Variants in RHO observed in about 807,000 individuals in gnomAD.
RHO encodes opsin 2, rod pigment.
RHO carries 21 observed loss-of-function variants against 31.2 expected under a neutral mutation model. The observed-to-expected ratio is 0.67, with a 90% CI of 0.48 to 0.97. The LOEUF is 0.97. Ranked by LOEUF, RHO falls within the 50% of genes least tolerant of loss-of-function variation. RHO has a pLI of 0.00. For synonymous variants in RHO, 211 were observed against 196.6 expected, an observed-to-expected ratio of 1.07 and a Z score of -0.61; for missense variants, 414 against 479.5, an observed-to-expected ratio of 0.86 and a Z score of 1.28.
In RHO at chr3:129,532,266, C is replaced by T. The variant is rs2084785600; in HGVS notation, c.546C>T (p.Gly182=). ...CTGTCCTCAGGTACATCCCCGAGGG[C>T]CTGCAGTGCTCGTGTGGAATCGACT... ...LAGWSRYIPE[G]LQCSCGIDYY... The change falls in exon 3 of 5, where the codon GGC becomes GGT. Residue 182 remains glycine (G), a synonymous_variant. Transcript: ENST00000296271. The surrounding 1 kb of genome is among the most constrained non-coding windows in gnomAD (Gnocchi z 5.5). The T allele has an allele frequency of 6.8e-6, 11 of 1,614,104 alleles. No homozygotes were observed. Among genetic ancestry groups the T allele is most frequent in the Non-Finnish European group, 9.3e-6 (11 of 1,180,000 alleles).
Position 129,532,820 on chromosome 3 carries a change from T to C in RHO, c.936+48T>C. ...CCCCAGTGCCCCAGGCCACAGGCGC[T>C]GCCTGCCAAGGACAAGCTACTTCCC... On this transcript the variant is annotated intron_variant, in intron 4 of 4. Coordinates refer to ENST00000296271, the MANE Select transcript of RHO (RefSeq NM_000539.3). This position sits in a 1 kb window ranked among gnomAD's most constrained non-coding sequence, Gnocchi z 5.5. The C allele has an allele frequency of 6.2e-7, 1 of 1,611,058 alleles. No individual in the cohort carries two copies. Among genetic ancestry groups the C allele is most frequent in the African/African-American group, 1.3e-5 (1 of 75,058 alleles).
chr3:129,533,183 C>T lies in RHO; in HGVS notation c.936+411C>T, dbSNP rs1341450163. ...GGTAAAGGGTTCCTCGGAGAGGTAC[C>T]TCCGAGGGGTAAACAGTTGGGTAAA... On this transcript the variant is annotated intron_variant, in intron 4 of 4. Coordinates refer to ENST00000296271, the MANE Select transcript of RHO (RefSeq NM_000539.3). 7.2e-5 allele frequency among the ~76,000 whole-genome samples: 11 copies of T among 152,148 alleles called. No individual in the cohort carries two copies. The East Asian group carries it at 2.1e-3, about 29-fold the overall frequency.
chr3:129,533,697 G>T lies in RHO; in HGVS notation c.1026G>T (p.Thr342=). 1 of 1,613,868 alleles carries T rather than the reference G, an allele frequency of 6.2e-7. No individual in the cohort carries two copies. The highest frequency in any genetic ancestry group is 1.1e-5 in the South Asian group (1 of 91,080). Residue 342 remains threonine, a synonymous_variant, in exon 5 of 5, where the codon ACG becomes ACT. Coordinates refer to ENST00000296271, the MANE Select transcript of RHO (RefSeq NM_000539.3). ...EASATVSKTE[T]SQVAPA Reference sequence around the variant, plus strand: ...CTGCTACCGTGTCCAAGACGGAGACGAGCCAGGTGGCCCCGGCCTAAGACC... The same window carrying T: ...CTGCTACCGTGTCCAAGACGGAGACTAGCCAGGTGGCCCCGGCCTAAGACC...
In RHO at chr3:129,530,883, T is replaced by C; in HGVS notation, c.369T>C (p.Ile123=). The C allele has an allele frequency of 1.2e-6, 2 of 1,614,214 alleles. No homozygotes were observed. The highest frequency in any genetic ancestry group is 1.7e-6 in the Non-Finnish European group (2 of 1,180,030). ...CTGCTGACTGCCTTGCAGGTGAAAT[T>C]GCCCTGTGGTCCTTGGTGGTCCTGG... ...EGFFATLGGE[I]ALWSLVVLAI... The change falls in exon 2 of 5, where the codon ATT becomes ATC. Residue 123 remains isoleucine, a synonymous_variant. Coordinates refer to ENST00000296271, the MANE Select transcript of RHO (RefSeq NM_000539.3).
Position 129,534,065 on chromosome 3 carries a change from G to C in RHO, c.*347G>C. 1 of 287,592 alleles carries C rather than the reference G, an allele frequency of 3.5e-6. No individual in the cohort carries two copies. The highest frequency in any genetic ancestry group is 3.7e-5 in the South Asian group (1 of 27,116). 17.8% of individuals were successfully genotyped at this position (287,592 alleles called of 1,614,324 possible). ...GGATAAGTGTCTAGCACAGAATGGG[G>C]CACACAGTAGGTGCTTAATAAATGC... On this transcript the variant is annotated 3_prime_UTR_variant, in exon 5 of 5. Transcript: ENST00000296271.
At position 129,534,958 on chromosome 3, in the gene RHO, G is replaced by A. The variant is rs2084811244; in HGVS notation, c.*1240G>A. On this transcript the variant is annotated 3_prime_UTR_variant, in exon 5 of 5. Transcript: ENST00000296271. ...GTTTCCAGTTTCCCTTGCCAGACAA[G>A]CCCATCTTCAGCAGTTGCTAGTCCA... 1.3e-5 allele frequency: 2 copies of A among 152,756 alleles called. No individual in the cohort carries two copies. Among genetic ancestry groups the A allele is most frequent in the Non-Finnish European group, 1.5e-5 (1 of 68,040 alleles). 9.5% of individuals were successfully genotyped at this position (152,756 alleles called of 1,614,324 possible). A position where few individuals can be genotyped will look rare whatever the true frequency, so the allele number is the denominator to read the frequency against.
In RHO at chr3:129,532,436, C is replaced by T. The variant is rs373118114; in HGVS notation, c.696+20C>T. The T allele has an allele frequency of 1.6e-5, 26 of 1,613,694 alleles. No individual in the cohort carries two copies. Among genetic ancestry groups the T allele is most frequent in the African/African-American group, 1.3e-4 (10 of 74,872 alleles). ...AAGGAGGTACGGGCCGGGGGGTGGG[C>T]GGCCTCACGGCTCTGAGGGTCCAGC... On this transcript the variant is annotated intron_variant, in intron 3 of 4. Transcript: ENST00000296271. This position sits in a 1 kb window ranked among gnomAD's most constrained non-coding sequence, Gnocchi z 5.5.
Position 129,532,566 on chromosome 3 carries a change from C to T in RHO, c.730C>T (p.Gln244Ter), listed in dbSNP as rs1273934052. 1.2e-6 allele frequency: 2 copies of T among 1,614,062 alleles called. No homozygotes were observed. The highest frequency in any genetic ancestry group is 1.7e-6 in the Non-Finnish European group (2 of 1,180,042). Reference sequence around the variant, plus strand: ...CCAGCAGCAGGAGTCAGCCACCACACAGAAGGCAGAGAAGGAGGTCACCCG... The same window carrying T: ...CCAGCAGCAGGAGTCAGCCACCACATAGAAGGCAGAGAAGGAGGTCACCCG... ...AAQQQESATT[Q>*]KAEKEVTRMV... The change falls in exon 4 of 5, where the codon CAG (glutamine) becomes TAG (stop). Residue 244 changes from glutamine to a stop codon, truncating the protein, a stop_gained. Coordinates refer to ENST00000296271, the MANE Select transcript of RHO (RefSeq NM_000539.3). LOFTEE classifies it high-confidence loss of function. The surrounding 1 kb of genome is among the most constrained non-coding windows in gnomAD (Gnocchi z 5.5).
chr3:129,528,725 G>A lies in RHO; in HGVS notation c.-9G>A. The A allele has an allele frequency of 1.2e-6, 2 of 1,614,068 alleles. No individual in the cohort carries two copies. The highest frequency in any genetic ancestry group is 1.7e-6 in the Non-Finnish European group (2 of 1,180,024). On this transcript the variant is annotated 5_prime_UTR_variant, in exon 1 of 5. Transcript: ENST00000296271. Reference sequence around the variant, plus strand: ...GAGCAGCCACGGGTCAGCCACAAGGGCCACAGCCATGAATGGCACAGAAGG... The same window carrying A: ...GAGCAGCCACGGGTCAGCCACAAGGACCACAGCCATGAATGGCACAGAAGG...
chr3:129,532,534 C>T lies in RHO; in HGVS notation c.698C>T (p.Ala233Val). ...YGQLVFTVKE[A>V]AAQQQESATT... Reference sequence around the variant, plus strand: ...GGACCCGGGTCCCGTGTCCTGCAGGCCGCTGCCCAGCAGCAGGAGTCAGCC... The same window carrying T: ...GGACCCGGGTCCCGTGTCCTGCAGGTCGCTGCCCAGCAGCAGGAGTCAGCC... Residue 233 changes from alanine to valine, a missense_variant and splice_region_variant, in exon 4 of 5, where the codon GCC becomes GTC. Ala to Val is a moderately conservative substitution (Grantham distance 64). Transcript: ENST00000296271. The surrounding 1 kb of genome is among the most constrained non-coding windows in gnomAD (Gnocchi z 5.5). The T allele has an allele frequency of 6.2e-7, 1 of 1,614,076 alleles. No homozygotes were observed. The highest frequency in any genetic ancestry group is 8.5e-7 in the Non-Finnish European group (1 of 1,180,030).
Position 129,532,661 on chromosome 3 carries a change from C to T in RHO, c.825C>T (p.Ile275=). The T allele has an allele frequency of 6.2e-7, 1 of 1,614,282 alleles. No homozygotes were observed. The highest frequency in any genetic ancestry group is 1.3e-5 in the African/African-American group (1 of 75,080). Residue 275 remains isoleucine, a synonymous_variant, in exon 4 of 5, where the codon ATC becomes ATT. Coordinates refer to ENST00000296271, the MANE Select transcript of RHO (RefSeq NM_000539.3). The surrounding 1 kb of genome is among the most constrained non-coding windows in gnomAD (Gnocchi z 5.5). ...WVPYASVAFY[I]FTHQGSNFGP... The stretch of plus-strand genomic sequence containing the variant: ...CCTACGCCAGCGTGGCATTCTACAT[C>T]TTCACCCACCAGGGCTCCAACTTCG...
intron 4 of RHO, 110 bp from the exon 5 acceptor site, chr3:129,533,498 A>G (rs1481757170): frequency 2.4e-6 from 2 of 847,636 alleles, no homozygotes; most frequent in Non-Finnish European, 4.1e-6. Context: ...GGGGCGCTGG[A>G]ATCGTGAGGG....
Position 129,534,629 on chromosome 3 carries a change from A to C in RHO, c.*911A>C, listed in dbSNP as rs1329945487. The C allele has an allele frequency of 6.6e-6, 1 of 152,640 alleles. No homozygotes were observed. Among genetic ancestry groups the C allele is most frequent in the East Asian group, 1.9e-4 (1 of 5,192 alleles). 9.5% of individuals were successfully genotyped at this position (152,640 alleles called of 1,614,324 possible). ...GGGGGACGGTGAAGGCCAAGTTCCC[A>C]ATGAGGGTGAGATTGGGCCTGGGGT... On this transcript the variant is annotated 3_prime_UTR_variant, in exon 5 of 5. Coordinates refer to ENST00000296271, the MANE Select transcript of RHO (RefSeq NM_000539.3).
Position 129,532,524 on chromosome 3 carries a change from G to C in RHO, c.697-9G>C. 1 of 1,614,050 alleles carries C rather than the reference G, an allele frequency of 6.2e-7. No individual in the cohort carries two copies. Among genetic ancestry groups the C allele is most frequent in the Non-Finnish European group, 8.5e-7 (1 of 1,180,030 alleles). On this transcript the variant is annotated splice_polypyrimidine_tract_variant and intron_variant, in intron 3 of 4. Coordinates refer to ENST00000296271, the MANE Select transcript of RHO (RefSeq NM_000539.3). The surrounding 1 kb of genome is among the most constrained non-coding windows in gnomAD (Gnocchi z 5.5). ...GCCATGGTCTGGACCCGGGTCCCGT[G>C]TCCTGCAGGCCGCTGCCCAGCAGCA...
In RHO at chr3:129,532,141, C is replaced by G; in HGVS notation, c.531-110C>G. On this transcript the variant is annotated intron_variant, in intron 2 of 4. Coordinates refer to ENST00000296271, the MANE Select transcript of RHO (RefSeq NM_000539.3). This position sits in a 1 kb window ranked among gnomAD's most constrained non-coding sequence, Gnocchi z 5.5. Reference sequence around the variant, plus strand: ...CCAGCCATGCAGACGTTTATGATCCCCTTTTCCAGGGAGGGAATGTGAAGC... The same window carrying G: ...CCAGCCATGCAGACGTTTATGATCCGCTTTTCCAGGGAGGGAATGTGAAGC... 1 of 831,916 alleles carries G rather than the reference C, an allele frequency of 1.2e-6. No homozygotes were observed. Among genetic ancestry groups the G allele is most frequent in the South Asian group, 1.4e-5 (1 of 71,990 alleles). The allele number at this position is 831,916 out of a possible 1,614,324, so 51.5% of individuals were successfully genotyped here.
At position 129,532,724 on chromosome 3, in the gene RHO, G is replaced by A; in HGVS notation, c.888G>A (p.Lys296=). The change falls in exon 4 of 5, where the codon AAG becomes AAA. Residue 296 remains lysine (K), a synonymous_variant. Coordinates refer to ENST00000296271, the MANE Select transcript of RHO (RefSeq NM_000539.3). This position sits in a 1 kb window ranked among gnomAD's most constrained non-coding sequence, Gnocchi z 5.5. ...TGACCATCCCAGCGTTCTTTGCCAA[G>A]AGCGCCGCCATCTACAACCCTGTCA... ...IFMTIPAFFA[K]SAAIYNPVIY... 1.2e-6 allele frequency: 2 copies of A among 1,614,264 alleles called. No homozygotes were observed. Among genetic ancestry groups the A allele is most frequent in the Non-Finnish European group, 8.5e-7 (1 of 1,180,052 alleles).
intron 2 of RHO, among the ~76,000 whole-genome samples, chr3:129,531,889 T>C (rs1380979002): frequency 1.3e-5 from 2 of 152,212 alleles, no homozygotes; most frequent in Non-Finnish European, 2.9e-5. Flanking sequence ...TAGGAAGACC[T>C]CGGTTTGTAC....
intron 1 of RHO, among the ~76,000 whole-genome samples, chr3:129,529,633 C>T (rs556655422): frequency 1.3e-4 from 20 of 152,348 alleles, no homozygotes; most frequent in African/African-American, 4.8e-4. Flanking sequence ...GGGCTCGGTC[C>T]CCTCTGGCAT....
chr3:129,528,954 A>G lies in RHO; in HGVS notation c.221A>G (p.Tyr74Cys). 6.2e-7 allele frequency: 1 copy of G among 1,614,196 alleles called. No individual in the cohort carries two copies. The highest frequency in any genetic ancestry group is 8.5e-7 in the Non-Finnish European group (1 of 1,180,042). Residue 74 changes from tyrosine (Y) to cysteine (C), a missense_variant, in exon 1 of 5, where the codon TAC (tyrosine) becomes TGC (cysteine). Physicochemically the swap from Tyr to Cys is radical, Grantham distance 194. Transcript: ENST00000296271. ...QHKKLRTPLNYILLNLAVADL... is the reference protein window; with the variant it reads ...QHKKLRTPLNCILLNLAVADL... ...AAGAAGCTGCGCACGCCTCTCAACT[A>G]CATCCTGCTCAACCTAGCCGTGGCT...
Sources: allele counts gnomAD v4.1 joint callset (sites outside exome capture counted in the v4.1 genomes callset), GRCh38; gene constraint gnomAD v4.1.1; non-coding constraint Gnocchi (gnomAD v3.1); transcripts MANE v1.5; gene names NCBI Gene and HGNC (gene_info 2026-07-23, HGNC 2026-07-21).